The following SAMD12 variants were observed in gnomAD, a reference collection of about 807,000 sequenced individuals.
The protein encoded by SAMD12 is sterile alpha motif domain containing 12, also known as sterile alpha motif domain-containing protein 12.
Under a neutral mutation model 15.0 loss-of-function variants are expected in SAMD12, and 9 were observed. The ratio of observed to expected loss-of-function variants is 0.60; its 90% CI spans 0.36 to 1.05. The LOEUF (loss-of-function observed/expected upper bound fraction) is 1.05. Ranked by LOEUF, SAMD12 falls within the 50% of genes least tolerant of loss-of-function variation. The pLI, the probability that SAMD12 is intolerant of heterozygous loss-of-function variation, is 0.01. For synonymous variants in SAMD12, 86 were observed against 90.1 expected (o/e 0.96, Z 0.25); for missense variants, 230 against 234.2 (o/e 0.98, Z 0.12).
chr8:118,616,274 T>C (rs1341674391), intron 1 of SAMD12, among the ~76,000 whole-genome samples: 2 of 152,192 alleles, frequency 1.3e-5, no homozygotes, highest in Non-Finnish European at 2.9e-5. Context: ...TAAATGTGTA[T>C]GGGAGTTACT....
chr8:118,156,791 T>C, the SAMD12 span, among the ~76,000 whole-genome samples: 1 of 152,172 alleles, frequency 6.6e-6, no homozygotes, highest in Non-Finnish European at 1.5e-5. Flanking sequence ...TGCTAAAGGG[T>C]TCTGAGTAGA....
At chr8:118,176,705 T>A in the SAMD12 span, among the ~76,000 whole-genome samples, 18 of 152,262 alleles carry the variant, frequency 1.2e-4, no homozygotes, top group African/African-American at 4.3e-4. Flanking sequence ...TATTGGGTAT[T>A]ATCCTGATTA....
chr8:118,511,909 G>A (rs182819122), intron 2 of SAMD12, among the ~76,000 whole-genome samples: 1 of 152,112 alleles, frequency 6.6e-6, no homozygotes, highest in Non-Finnish European at 1.5e-5. Flanking sequence ...GCTACTTTTA[G>A]GATGAAAAGA....
intron 4 of SAMD12, among the ~76,000 whole-genome samples, chr8:118,220,525 A>C (rs1812060482): frequency 6.6e-6 from 1 of 152,204 alleles, no homozygotes; most frequent in Non-Finnish European, 1.5e-5. Context: ...AATTTAGTTA[A>C]TCACTACATT....
At chr8:118,530,343 G>C (rs1586791074) in intron 2 of SAMD12, among the ~76,000 whole-genome samples, 1 of 152,124 alleles carries the variant, frequency 6.6e-6, no homozygotes, top group African/African-American at 2.4e-5. Context: ...TATCTGATAG[G>C]TAGTTTTTAA....
the SAMD12 span, among the ~76,000 whole-genome samples, chr8:118,171,826 T>G: frequency 6.6e-6 from 1 of 151,920 alleles, no homozygotes. Flanking sequence ...CATTGAATTG[T>G]GCATTTAAAA....
chr8:118,420,183 G>A (rs1305642795), intron 3 of SAMD12, among the ~76,000 whole-genome samples: 3 of 152,182 alleles, frequency 2.0e-5, no homozygotes, highest in Non-Finnish European at 4.4e-5. Flanking sequence ...TAACTATCAA[G>A]GTACAAATTG....
At chr8:118,524,200 G>A (rs1462507866) in intron 2 of SAMD12, among the ~76,000 whole-genome samples, 2 of 151,952 alleles carry the variant, frequency 1.3e-5, no homozygotes, top group Admixed American at 6.6e-5. Context: ...CTTCTAACAG[G>A]CTTTTTCCCC....
intron 1 of SAMD12, among the ~76,000 whole-genome samples, chr8:118,614,649 C>T (rs1828195746): frequency 6.6e-6 from 1 of 152,178 alleles, no homozygotes; most frequent in Admixed American, 6.5e-5. Flanking sequence ...ATACCTTCTG[C>T]GGCAGCAAGG....
chr8:118,445,629 G>C (rs1224483562), intron 2 of SAMD12, among the ~76,000 whole-genome samples: 1 of 152,178 alleles, frequency 6.6e-6, no homozygotes, highest in East Asian at 1.9e-4. Flanking sequence ...TAAGTTTTAA[G>C]TTCTCCAAAA....
chr8:118,584,827 T>C (rs1160073946), intron 1 of SAMD12, among the ~76,000 whole-genome samples: 1 of 152,054 alleles, frequency 6.6e-6, no homozygotes, highest in Admixed American at 6.6e-5. Flanking sequence ...GGTGGGAATG[T>C]CAAGTGATAC....
chr8:118,588,156 G>A (rs892627023), intron 1 of SAMD12, among the ~76,000 whole-genome samples: 1 of 152,166 alleles, frequency 6.6e-6, no homozygotes, highest in African/African-American at 2.4e-5. Flanking sequence ...CCAGAAAAGT[G>A]CCCAGATCAT....
At chr8:118,565,598 T>G (rs1795582272) in intron 2 of SAMD12, among the ~76,000 whole-genome samples, 1 of 152,192 alleles carries the variant, frequency 6.6e-6, no homozygotes, top group African/African-American at 2.4e-5. Flanking sequence ...CTGTATATCT[T>G]TAGTTGAGAT....
chr8:118,357,746 G>A lies in SAMD12; in HGVS notation c.433+21814C>T, dbSNP rs1483049099. ...TTGGATCCTATTCTAAATCCTTAATGTAGCTTTGAGGCTCCACAGGACCTG... is the reference window on the plus strand; with the variant it reads ...TTGGATCCTATTCTAAATCCTTAATATAGCTTTGAGGCTCCACAGGACCTG... On this transcript the variant is annotated intron_variant, in intron 4 of 4. Coordinates refer to the SAMD12 transcript ENST00000409003. Among the ~76,000 whole-genome samples, 6 of 152,298 alleles carry A rather than the reference G, an allele frequency of 3.9e-5. No individual in the cohort carries two copies. In the East Asian group the frequency reaches 1.2e-3, roughly 29 times the overall value.
intron 2 of SAMD12, among the ~76,000 whole-genome samples, chr8:118,489,156 T>G (rs1824367143): frequency 6.6e-6 from 1 of 152,198 alleles, no homozygotes; most frequent in Non-Finnish European, 1.5e-5. Flanking sequence ...GTGAAGTGCC[T>G]GTTCAAATCT....
chr8:118,284,395 GT>G (rs141189756), intron 4 of SAMD12: 12,818 of 456,082 alleles, frequency 0.028, 1,271 homozygotes, highest in African/African-American at 0.22. Flanking sequence ...AGAATATCCT[GT>G]TTTGAACATC....
chr8:118,259,964 T>C (rs1275940931), intron 4 of SAMD12, among the ~76,000 whole-genome samples: 1 of 152,134 alleles, frequency 6.6e-6, no homozygotes, highest in African/African-American at 2.4e-5. Context: ...TGTTTGCCAG[T>C]TCATCTATTT....
intron 2 of SAMD12, among the ~76,000 whole-genome samples, chr8:118,525,646 T>C (rs1435050330): frequency 6.6e-6 from 1 of 152,190 alleles, no homozygotes; most frequent in Non-Finnish European, 1.5e-5. Context: ...GGGAACCCCA[T>C]ATGCTATTCC....
intron 4 of SAMD12, among the ~76,000 whole-genome samples, chr8:118,368,793 C>T (rs1818932436): frequency 1.3e-5 from 2 of 152,210 alleles, no homozygotes; most frequent in Non-Finnish European, 2.9e-5. Flanking sequence ...CTCTCGCTAG[C>T]ACTATGCAAA....
Sources: allele counts gnomAD v4.1 joint callset (sites outside exome capture counted in the v4.1 genomes callset), GRCh38; gene constraint gnomAD v4.1.1; transcripts MANE v1.5; gene names NCBI Gene and HGNC (gene_info 2026-07-23, HGNC 2026-07-21).